The following CCDC178 variants were observed in gnomAD, a reference collection of about 807,000 sequenced individuals.
CCDC178 encodes coiled-coil domain containing 178, also known as coiled-coil domain-containing protein 178.
A neutral mutation model predicts 117.4 loss-of-function variants in CCDC178; 126 were observed. The observed-to-expected ratio is 1.07, with a 90% CI of 0.93 to 1.24. CCDC178 has a LOEUF of 1.24. Ranked by LOEUF, CCDC178 falls within the 50% of genes most tolerant of loss-of-function variation. The probability of loss-of-function intolerance (pLI) is 0.00; values close to 1 mark genes in which losing one functional copy is unlikely to be tolerated. For synonymous variants in CCDC178, 283 were observed against 313.4 expected (o/e 0.90, Z 1.02); for missense variants, 1,030 against 986.9 (o/e 1.04, Z -0.59).
chr18:33,031,005 G>A (rs2056331637), intron 21 of CCDC178, among the ~76,000 whole-genome samples: 1 of 152,058 alleles, frequency 6.6e-6, no homozygotes, highest in African/African-American at 2.4e-5. Context: ...GGGTCAGTTG[G>A]GGGCATTGGT....
intron 4 of CCDC178, among the ~76,000 whole-genome samples, chr18:33,390,939 T>C (rs1940475022): frequency 6.6e-6 from 1 of 151,668 alleles, no homozygotes. Context: ...TACTAACAGT[T>C]AAAGATAGAA....
chr18:32,950,702 G>A (rs2054462888), intron 22 of CCDC178, among the ~76,000 whole-genome samples: 1 of 152,046 alleles, frequency 6.6e-6, no homozygotes, highest in South Asian at 2.1e-4. Flanking sequence ...TTAGTAATAG[G>A]CCCAGTTTAA....
intron 22 of CCDC178, among the ~76,000 whole-genome samples, chr18:32,967,572 T>A (rs760867430): frequency 1.4e-4 from 21 of 151,606 alleles, no homozygotes; most frequent in Non-Finnish European, 2.7e-4. Flanking sequence ...TGAATTTTGC[T>A]TTTATGACCA....
Position 33,415,620 on chromosome 18 carries a change from A to C in CCDC178, c.-22-3510T>G, listed in dbSNP as rs1000472900. On this transcript the variant is annotated intron_variant, in intron 2 of 22. Transcript: ENST00000383096. ...TAAATGACGAGTTAACGGGTGCAGC[A>C]CACCAACATGGCACATGTATACATA... Among the ~76,000 whole-genome samples the C allele has an allele frequency of 2.6e-5, 4 of 152,162 alleles. No individual in the cohort carries two copies. In the East Asian group the frequency reaches 5.8e-4, roughly 22 times the overall value.
chr18:33,304,741 G>T (rs568447026), intron 11 of CCDC178, among the ~76,000 whole-genome samples: 1 of 152,166 alleles, frequency 6.6e-6, no homozygotes, highest in East Asian at 1.9e-4. Flanking sequence ...ACTTCAAAAA[G>T]ACCTCAAGCT....
intron 21 of CCDC178, among the ~76,000 whole-genome samples, chr18:32,984,771 GAAGA>G (rs1321741666): frequency 6.6e-6 from 1 of 151,966 alleles, no homozygotes; most frequent in East Asian, 1.9e-4. Flanking sequence ...AAAAATGGTT[GAAGA>G]TAGAATTACA....
intron 3 of CCDC178, among the ~76,000 whole-genome samples, chr18:33,411,462 T>A (rs1483645500): frequency 6.6e-6 from 1 of 152,168 alleles, no homozygotes; most frequent in Non-Finnish European, 1.5e-5. Flanking sequence ...GGGCTATAAT[T>A]TACTGACCTC....
chr18:33,006,743 C>A (rs1319503875), intron 21 of CCDC178, among the ~76,000 whole-genome samples: 3 of 152,028 alleles, frequency 2.0e-5, no homozygotes, highest in Non-Finnish European at 2.9e-5. Context: ...AGAAGGGAGT[C>A]TCCTTTTAAT....
At chr18:33,428,782 G>A (rs1474369524) in intron 2 of CCDC178, among the ~76,000 whole-genome samples, 5 of 148,566 alleles carry the variant, frequency 3.4e-5, no homozygotes, top group Admixed American at 1.3e-4. Flanking sequence ...TTAGGGAGTG[G>A]ATGGAGTGAG....
At chr18:33,039,717 T>C (rs1567949521) in intron 21 of CCDC178, among the ~76,000 whole-genome samples, 2 of 152,004 alleles carry the variant, frequency 1.3e-5, no homozygotes, top group Non-Finnish European at 2.9e-5. Flanking sequence ...GATGCATCTC[T>C]TGGTGAAAGA....
At chr18:33,389,328 T>G (rs1366062635) in intron 5 of CCDC178, among the ~76,000 whole-genome samples, 3 of 152,078 alleles carry the variant, frequency 2.0e-5, no homozygotes, top group Non-Finnish European at 4.4e-5. Flanking sequence ...TGAAATTACA[T>G]AACAATTCAT....
chr18:33,399,422 T>C (rs1004539187), intron 3 of CCDC178, among the ~76,000 whole-genome samples: 18 of 152,338 alleles, frequency 1.2e-4, no homozygotes, highest in African/African-American at 3.6e-4. Flanking sequence ...TGCTGTTTAA[T>C]AGCATATTAT....
chr18:33,035,025 G>A (rs1467660251), intron 21 of CCDC178, among the ~76,000 whole-genome samples: 1 of 151,934 alleles, frequency 6.6e-6, no homozygotes, highest in Non-Finnish European at 1.5e-5. Context: ...TGTGGAACAT[G>A]AGACATGTTT....
intron 4 of CCDC178, among the ~76,000 whole-genome samples, chr18:33,392,743 T>C (rs1449922463): frequency 3.9e-5 from 6 of 152,082 alleles, no homozygotes; most frequent in Non-Finnish European, 7.4e-5. Flanking sequence ...GCACCTGTAG[T>C]CCCAGTTACT....
chr18:33,015,263 G>GA (rs201400818), intron 21 of CCDC178, among the ~76,000 whole-genome samples: 3,715 of 84,492 alleles, frequency 0.044, 64 homozygotes, highest in Middle Eastern at 0.067. Context: ...TTCAAAAGAA[G>GA]AAAAAAAAAA....
chr18:33,306,496 TATATATGGTTATATATA>T (rs1291909557), intron 11 of CCDC178, among the ~76,000 whole-genome samples: 1,491 of 145,466 alleles, frequency 0.01, 54 homozygotes, highest in African/African-American at 0.037. Context: ...TATGGTTATA[TATATATGGTTATATATA>T]ATATATGGTT....
At chr18:33,150,889 A>G (rs2058333481) in intron 20 of CCDC178, among the ~76,000 whole-genome samples, 1 of 152,198 alleles carries the variant, frequency 6.6e-6, no homozygotes, top group Non-Finnish European at 1.5e-5. Context: ...GTGCCTATCA[A>G]CCATACACCA....
At chr18:33,126,004 G>A (rs1325008176) in intron 20 of CCDC178, among the ~76,000 whole-genome samples, 2 of 152,172 alleles carry the variant, frequency 1.3e-5, no homozygotes, top group African/African-American at 2.4e-5. Context: ...CAGCACTGAA[G>A]GTCCAGGCAG....
At chr18:33,218,071 T>G (rs1313018753) in intron 18 of CCDC178, among the ~76,000 whole-genome samples, 1 of 152,078 alleles carries the variant, frequency 6.6e-6, no homozygotes, top group Non-Finnish European at 1.5e-5. Flanking sequence ...TCTCTGTAAT[T>G]TTTTAAATAT....
Sources: gnomAD v4.1 joint callset for allele counts (sites outside exome capture counted in the v4.1 genomes callset) on GRCh38, gnomAD v4.1.1 for gene constraint, MANE v1.5 for transcripts, NCBI Gene and HGNC (gene_info 2026-07-23, HGNC 2026-07-21) for gene names.